PPARGC1A: variants seen among roughly 807,000 people sequenced by gnomAD.
PPARGC1A encodes peroxisome proliferator-activated receptor gamma coactivator 1-alpha.
Under a neutral mutation model 88.7 loss-of-function variants are expected in PPARGC1A, and 25 were observed. The ratio of observed to expected loss-of-function variants is 0.28; its 90% CI spans 0.21 to 0.39. PPARGC1A has a LOEUF of 0.39. Among genes scored for constraint, PPARGC1A ranks in the 10% least tolerant of loss-of-function variants. PPARGC1A has a pLI of 1.00. For missense variants in PPARGC1A, 880 were observed against 968.7 expected (o/e 0.91, Z 1.22); for synonymous variants, 363 against 355.6 (o/e 1.02, Z -0.24).
At chr4:24,053,062 A>G in the PPARGC1A span, among the ~76,000 whole-genome samples, 9 of 150,742 alleles carry the variant, frequency 6.0e-5, no homozygotes, top group African/African-American at 2.2e-4. Flanking sequence ...TAGTAGAGAC[A>G]GGGTTTTACC....
chr4:24,003,982 A>C, the PPARGC1A span, among the ~76,000 whole-genome samples: 1 of 152,254 alleles, frequency 6.6e-6, no homozygotes, highest in African/African-American at 2.4e-5. Context: ...CAATCTTCAA[A>C]AATAATCATG....
chr4:24,265,310 T>A, the PPARGC1A span, among the ~76,000 whole-genome samples: 1 of 152,164 alleles, frequency 6.6e-6, no homozygotes, highest in Non-Finnish European at 1.5e-5. Context: ...CTTCTTTTCC[T>A]ATAAAAAGAA....
the PPARGC1A span, among the ~76,000 whole-genome samples, chr4:24,176,719 A>G: frequency 6.6e-6 from 1 of 152,022 alleles, no homozygotes; most frequent in Non-Finnish European, 1.5e-5. Flanking sequence ...CAGAATAATA[A>G]TAATAATACC....
chr4:24,124,669 A>AT, the PPARGC1A span, among the ~76,000 whole-genome samples: 23,262 of 148,278 alleles, frequency 0.16, 2,033 homozygotes, highest in South Asian at 0.26. Context: ...AGGTAGAAGC[A>AT]TTTTTTTTTT....
the PPARGC1A span, among the ~76,000 whole-genome samples, chr4:23,941,476 C>T: frequency 6.6e-6 from 1 of 152,210 alleles, no homozygotes; most frequent in Admixed American, 6.5e-5. Flanking sequence ...TCAGATGGGC[C>T]ACTGATATAA....
At chr4:23,990,592 C>T in the PPARGC1A span, among the ~76,000 whole-genome samples, 5 of 152,156 alleles carry the variant, frequency 3.3e-5, no homozygotes, top group Non-Finnish European at 7.4e-5. Context: ...AGACTGAGTT[C>T]CAGCTGAGAA....
At chr4:23,880,283 A>C (rs1208743242) in intron 2 of PPARGC1A, among the ~76,000 whole-genome samples, 1 of 152,160 alleles carries the variant, frequency 6.6e-6, no homozygotes, top group African/African-American at 2.4e-5. Context: ...TTGCCTCCCA[A>C]ACTAGATTTA....
the PPARGC1A span, among the ~76,000 whole-genome samples, chr4:24,218,273 G>T: frequency 1.3e-5 from 2 of 152,180 alleles, no homozygotes; most frequent in African/African-American, 4.8e-5. Flanking sequence ...TGAGAATTAA[G>T]GAGCACCAGA....
the PPARGC1A span, among the ~76,000 whole-genome samples, chr4:24,357,746 G>A: frequency 3.9e-5 from 6 of 152,174 alleles, no homozygotes; most frequent in Non-Finnish European, 7.3e-5. Flanking sequence ...TAGTGAATAA[G>A]TCTCATGATA....
At chr4:24,272,254 G>A in the PPARGC1A span, among the ~76,000 whole-genome samples, 1 of 152,038 alleles carries the variant, frequency 6.6e-6, no homozygotes, top group African/African-American at 2.4e-5. Flanking sequence ...TTAATTCATA[G>A]TACCTTAGGA....
the PPARGC1A span, among the ~76,000 whole-genome samples, chr4:24,444,735 G>A: frequency 3.3e-5 from 5 of 152,246 alleles, no homozygotes; most frequent in Admixed American, 1.3e-4. Context: ...AATATTAGAC[G>A]AGCAAGTGAG....
the PPARGC1A span, among the ~76,000 whole-genome samples, chr4:24,116,117 T>G: frequency 6.6e-6 from 1 of 152,228 alleles, no homozygotes; most frequent in Non-Finnish European, 1.5e-5. Context: ...GTCCACCCCC[T>G]TGCTTTCATT....
chr4:24,019,828 C>T, the PPARGC1A span, among the ~76,000 whole-genome samples: 1 of 152,148 alleles, frequency 6.6e-6, no homozygotes, highest in Admixed American at 6.6e-5. Context: ...TCTACATCAC[C>T]CACATAGGAC....
At chr4:24,434,203 C>A in the PPARGC1A span, among the ~76,000 whole-genome samples, 1 of 152,214 alleles carries the variant, frequency 6.6e-6, no homozygotes, top group African/African-American at 2.4e-5. Flanking sequence ...AACTCACCAC[C>A]TCTCATACGG....
chr4:24,016,550 T>C, the PPARGC1A span, among the ~76,000 whole-genome samples: 1 of 152,100 alleles, frequency 6.6e-6, no homozygotes, highest in Non-Finnish European at 1.5e-5. Context: ...AGAGGGGCAA[T>C]AACAGGGAAA....
chr4:24,155,896 G>A, the PPARGC1A span, among the ~76,000 whole-genome samples: 13 of 152,180 alleles, frequency 8.5e-5, no homozygotes, highest in African/African-American at 3.1e-4. Context: ...AAAGGAACTA[G>A]CAAGCACTAG....
chr4:24,046,975 T>C, the PPARGC1A span, among the ~76,000 whole-genome samples: 1 of 152,150 alleles, frequency 6.6e-6, no homozygotes, highest in African/African-American at 2.4e-5. Flanking sequence ...TTCACTCCTG[T>C]TGTGTTAAGA....
At chr4:23,801,660 G>A (rs536362109) in intron 12 of PPARGC1A, 70 bp downstream of exon 12, 9 of 1,543,124 alleles carry the variant, frequency 5.8e-6, no homozygotes, top group African/African-American at 1.4e-5. Flanking sequence ...AGGTGCCTAC[G>A]GATTATGTTT....
At chr4:23,956,313 A>C in the PPARGC1A span, among the ~76,000 whole-genome samples, 7 of 152,024 alleles carry the variant, frequency 4.6e-5, no homozygotes, top group African/African-American at 1.7e-4. Flanking sequence ...GGGGTTTGGA[A>C]GTTCTAGATT....
Sources: gnomAD v4.1 joint callset for allele counts (sites outside exome capture counted in the v4.1 genomes callset) on GRCh38, gnomAD v4.1.1 for gene constraint, MANE v1.5 for transcripts, NCBI Gene and HGNC (gene_info 2026-07-23, HGNC 2026-07-21) for gene names.